PAK2: variants seen among roughly 807,000 people sequenced by gnomAD.
The protein encoded by PAK2 is p21 (RAC1) activated kinase 2, also known as serine/threonine-protein kinase PAK 2.
A neutral mutation model predicts 65.9 loss-of-function variants in PAK2; 21 were observed. That is an observed-to-expected ratio of 0.32 (90% CI 0.23 to 0.46). The LOEUF (loss-of-function observed/expected upper bound fraction) is 0.46. Among genes scored for constraint, PAK2 ranks in the 20% least tolerant of loss-of-function variants. The pLI is 1.00. For synonymous variants in PAK2, 204 were observed against 219.7 expected, an observed-to-expected ratio of 0.93 and a Z score of 0.63; for missense variants, 324 against 642.6, an observed-to-expected ratio of 0.50 and a Z score of 5.36.
At chr3:196,746,846 A>G (rs1396110115) in intron 1 of PAK2, among the ~76,000 whole-genome samples, 2 of 142,986 alleles carry the variant, frequency 1.4e-5, no homozygotes, top group East Asian at 4.0e-4. Context: ...GGCCTTTATG[A>G]TAACTTCTGT....
intron 2 of PAK2, among the ~76,000 whole-genome samples, chr3:196,789,344 A>G (rs1714992507): frequency 6.6e-6 from 1 of 152,194 alleles, no homozygotes; most frequent in South Asian, 2.1e-4. Context: ...AGATCTGTAA[A>G]CAACCTTTCT....
At chr3:196,750,756 T>TTTA (rs1229342473) in intron 1 of PAK2, among the ~76,000 whole-genome samples, 2 of 147,582 alleles carry the variant, frequency 1.4e-5, no homozygotes, top group African/African-American at 5.0e-5. Flanking sequence ...AAATAAAGTT[T>TTTA]AAAAAAAAAA....
At chr3:196,778,424 C>T (rs1178181667) in intron 1 of PAK2, among the ~76,000 whole-genome samples, 2 of 152,146 alleles carry the variant, frequency 1.3e-5, no homozygotes, top group East Asian at 3.8e-4. Context: ...ATTGCGGGGT[C>T]GCATAGTAGC....
chr3:196,817,605 G>C (rs1348312013), intron 11 of PAK2, among the ~76,000 whole-genome samples: 1 of 151,556 alleles, frequency 6.6e-6, no homozygotes, highest in Non-Finnish European at 1.5e-5. Context: ...CACCCGCCTC[G>C]GTCTCCCAAA....
intron 2 of PAK2, among the ~76,000 whole-genome samples, chr3:196,795,862 C>T (rs937833093): frequency 6.6e-6 from 1 of 152,204 alleles, no homozygotes; most frequent in Non-Finnish European, 1.5e-5. Context: ...GTGGCACCTC[C>T]GTGGTTCTGG....
rs545618992 is a variant in PAK2, at chr3:196,828,944, G to A, written c.*539G>A. On this transcript the variant is annotated 3_prime_UTR_variant, in exon 15 of 15. Coordinates refer to ENST00000327134, the MANE Select transcript of PAK2 (RefSeq NM_002577.4). ...AAGGAGCTCTATATAGTTTCACTTT[G>A]TATAAAAGTTAGGACCAGCTGTTGT... The A allele has an allele frequency of 6.5e-6, 1 of 152,700 alleles. No individual in the cohort carries two copies. Among genetic ancestry groups the A allele is most frequent in the Non-Finnish European group, 1.5e-5 (1 of 68,120 alleles). The allele number at this position is 152,700 out of a possible 1,614,324, so 9.5% of individuals were successfully genotyped here.
chr3:196,761,488 A>C (rs1713961894), intron 1 of PAK2, among the ~76,000 whole-genome samples: 1 of 86,506 alleles, frequency 1.2e-5, no homozygotes, highest in Non-Finnish European at 2.3e-5. Context: ...GTCACAGATC[A>C]ACAGGATCCC....
intron 12 of PAK2, among the ~76,000 whole-genome samples, chr3:196,819,293 T>C (rs1335599078): frequency 6.6e-6 from 1 of 151,918 alleles, no homozygotes; most frequent in African/African-American, 2.4e-5. Flanking sequence ...AATACAACAA[T>C]TAGCCGGGCG....
chr3:196,822,266 C>G (rs1327513707), intron 13 of PAK2, among the ~76,000 whole-genome samples: 1 of 152,208 alleles, frequency 6.6e-6, no homozygotes, highest in Non-Finnish European at 1.5e-5. Flanking sequence ...AATTCCTGCT[C>G]TTACAGAACT....
chr3:196,774,402 G>A (rs1208394089), intron 1 of PAK2, among the ~76,000 whole-genome samples: 2 of 152,058 alleles, frequency 1.3e-5, no homozygotes, highest in East Asian at 1.9e-4. Flanking sequence ...TCTTAATACC[G>A]TGTGAATTTG....
At position 196,748,561 on chromosome 3, in the gene PAK2, CGTAGTTGGAATT is replaced by C. The variant is rs200331872; in HGVS notation, c.-22+8405_-22+8416del. The stretch of plus-strand genomic sequence containing the variant: ...TCGCAATGCCTTTTCCAGAATGTCC[CGTAGTTGGAATT>C]ATATAGCGTGTAGCCTTTTCAACTT... On this transcript the variant is annotated intron_variant, in intron 1 of 14. Coordinates refer to ENST00000327134, the MANE Select transcript of PAK2 (RefSeq NM_002577.4). 5.4e-3 allele frequency among the ~76,000 whole-genome samples: 821 copies of C among 152,252 alleles called. 8 individuals are homozygous for C. Among genetic ancestry groups the C allele is most frequent in the African/African-American group, 0.019 (783 of 41,546 alleles).
At chr3:196,826,322 C>T (rs1000952665) in intron 13 of PAK2, among the ~76,000 whole-genome samples, 1 of 152,070 alleles carries the variant, frequency 6.6e-6, no homozygotes, top group Admixed American at 6.6e-5. Flanking sequence ...CAGGCGCCCA[C>T]CACCACGCCC....
At chr3:196,796,338 A>G (rs1265426467) in intron 2 of PAK2, among the ~76,000 whole-genome samples, 1 of 152,248 alleles carries the variant, frequency 6.6e-6, no homozygotes, top group Non-Finnish European at 1.5e-5. Context: ...AAAAGACTGC[A>G]TATTGTTTGG....
At chr3:196,759,698 T>G (rs1713899149) in intron 1 of PAK2, among the ~76,000 whole-genome samples, 1 of 151,748 alleles carries the variant, frequency 6.6e-6, no homozygotes, top group East Asian at 1.9e-4. Context: ...AGCTAATTTT[T>G]GTATTTTTAG....
At chr3:196,806,152 C>A (rs924007929) in intron 5 of PAK2, among the ~76,000 whole-genome samples, 11 of 151,900 alleles carry the variant, frequency 7.2e-5, no homozygotes, top group African/African-American at 1.5e-4. Flanking sequence ...ACCTTGTGAT[C>A]CACCCACCTC....
Position 196,806,634 on chromosome 3 carries a change from A to G in PAK2, c.524A>G (p.Asp175Gly). ...GTAGTGACAGAGGAGGAGGATGATG[A>G]TGAAGAGACTGCTCCTCCCGTTATT... ...PAVVTEEEDD[D>G]EETAPPVIAP... Residue 175 changes from aspartate to glycine, a missense_variant, in exon 6 of 15, where the codon GAT becomes GGT. By Grantham distance (94) the Asp-to-Gly change is moderately conservative (BLOSUM62 -1). Coordinates refer to ENST00000327134, the MANE Select transcript of PAK2 (RefSeq NM_002577.4). 1 of 1,613,540 alleles carries G rather than the reference A, an allele frequency of 6.2e-7. No homozygotes were observed. Among genetic ancestry groups the G allele is most frequent in the Non-Finnish European group, 8.5e-7 (1 of 1,179,484 alleles).
chr3:196,824,485 A>G (rs1198878238), intron 13 of PAK2, among the ~76,000 whole-genome samples: 1 of 152,212 alleles, frequency 6.6e-6, no homozygotes, highest in Non-Finnish European at 1.5e-5. Flanking sequence ...TTAAATGCAT[A>G]TTGCTTAGTG....
rs1208238237 is a variant in PAK2 at position 196,830,013 on chromosome 3, TTCCCACCATCCCC to T, written c.*1610_*1622del. On this transcript the variant is annotated 3_prime_UTR_variant, in exon 15 of 15. Coordinates refer to ENST00000327134, the MANE Select transcript of PAK2 (RefSeq NM_002577.4). ...TCTGTGGTTTGGTTCTGGCATTTTG[TTCCCACCATCCCC>T]TTCCCCCATTAACTTCCCCCCTGCT... The T allele has an allele frequency of 3.9e-5, 6 of 152,100 alleles. No homozygotes were observed. The highest frequency in any genetic ancestry group is 1.4e-4 in the African/African-American group (6 of 41,396). The allele number at this position is 152,100 out of a possible 1,614,324, so 9.4% of individuals were successfully genotyped here.
chr3:196,770,486 G>A (rs1714326049), intron 1 of PAK2, among the ~76,000 whole-genome samples: 1 of 151,828 alleles, frequency 6.6e-6, no homozygotes, highest in African/African-American at 2.4e-5. Context: ...GATCATGCCT[G>A]TGAGTAGCCA....
Sources: allele counts gnomAD v4.1 joint callset (sites outside exome capture counted in the v4.1 genomes callset), GRCh38; gene constraint gnomAD v4.1.1; transcripts MANE v1.5; gene names NCBI Gene and HGNC (gene_info 2026-07-23, HGNC 2026-07-21).